ASH1L: variants seen among roughly 807,000 people sequenced by gnomAD.
ASH1L encodes the protein ASH1 like histone lysine methyltransferase.
ASH1L carries 23 observed loss-of-function variants against 269.0 expected under a neutral mutation model. That is an observed-to-expected ratio of 0.09 (90% CI 0.06 to 0.12). The LOEUF (loss-of-function observed/expected upper bound fraction) is 0.12. ASH1L is among the 10% of genes least tolerant of loss of function. ASH1L has a pLI of 1.00. For synonymous variants in ASH1L, 1,187 were observed against 1,253.5 expected (o/e 0.95, Z 1.12); for missense variants, 2,912 against 3,567.8 (o/e 0.82, Z 4.68).
chr1:155,504,550 T>C (rs1040485795), intron 2 of ASH1L, among the ~76,000 whole-genome samples: 6 of 152,146 alleles, frequency 3.9e-5, no homozygotes, highest in Non-Finnish European at 8.8e-5. Context: ...CAGGTACTTA[T>C]CTGACTTTGT....
chr1:155,352,670 G>GA (rs760686205), intron 17 of ASH1L, 36 bp downstream of exon 17: 2 of 1,544,076 alleles, frequency 1.3e-6, no homozygotes, highest in East Asian at 2.3e-5. Context: ...AAAAGAAAAA[G>GA]AAAAAAAGAA....
intron 2 of ASH1L, among the ~76,000 whole-genome samples, chr1:155,486,242 CAGAATAA>C (rs1395594240): frequency 6.6e-6 from 1 of 152,072 alleles, no homozygotes; most frequent in Non-Finnish European, 1.5e-5. Flanking sequence ...TTGATTGACT[CAGAATAA>C]AGGGAACTAT....
At chr1:155,507,386 C>T (rs1667884407) in intron 2 of ASH1L, among the ~76,000 whole-genome samples, 1 of 151,920 alleles carries the variant, frequency 6.6e-6, no homozygotes, top group African/African-American at 2.4e-5. Flanking sequence ...AACAGAAAAC[C>T]ATTTTTGGAC....
chr1:155,465,289 C>CAAAAAAAAAAAAA (rs1171228344), intron 3 of ASH1L, among the ~76,000 whole-genome samples: 21 of 62,552 alleles, frequency 3.4e-4, no homozygotes, highest in East Asian at 1.4e-3. Context: ...TACAAATTAG[C>CAAAAAAAAAAAAA]AAAAAAAAAA....
Position 155,482,367 on chromosome 1 carries a change from T to A in ASH1L, c.503A>T (p.Gln168Leu). Residue 168 changes from glutamine to leucine, a missense_variant, in exon 3 of 28, where the codon CAG (glutamine) becomes CTG (leucine). By Grantham distance (113) the Gln-to-Leu change is moderately radical (BLOSUM62 -2). This residue lies in a region of ASH1L where 277 missense variants were observed against 367.7 expected (regional missense o/e 0.75). Transcript: ENST00000392403. ...CTTAGACAAAGGATTGTTTTCTCCC[T>A]GTGAATGAAGACGGATGACTTCTTC... ...QSEEVIRLHS[Q>L]GENNPLSKKL... 6.2e-7 allele frequency: 1 copy of A among 1,614,174 alleles called. No individual in the cohort carries two copies. The highest frequency in any genetic ancestry group is 1.7e-5 in the Admixed American group (1 of 60,018).
chr1:155,442,351 G>A (rs1253700117), intron 4 of ASH1L, among the ~76,000 whole-genome samples: 3 of 151,776 alleles, frequency 2.0e-5, no homozygotes, highest in Admixed American at 1.3e-4. Context: ...ACTTTGGGAG[G>A]CTGAGGTGGG....
At chr1:155,528,262 A>C (rs1488689072) in intron 1 of ASH1L, among the ~76,000 whole-genome samples, 1 of 152,170 alleles carries the variant, frequency 6.6e-6, no homozygotes, top group African/African-American at 2.4e-5. Context: ...ATTTAGGCCA[A>C]AAATCTCTAC....
At position 155,342,034 on chromosome 1, in the gene ASH1L, G is replaced by A; in HGVS notation, c.8362C>T (p.Leu2788=). Residue 2788 remains leucine, a synonymous_variant, in exon 25 of 28, where the codon CTG becomes TTG. Coordinates refer to ENST00000392403, the MANE Select transcript of ASH1L (RefSeq NM_018489.3). ...CDYRLDKSAH[L]FYKIHRNRYP... Reference sequence around the variant, plus strand: ...CGGTTCCGGTGGATCTTGTAAAACAGGTGTGCTGACTTGTCAAGCCGATAA... The same window carrying A: ...CGGTTCCGGTGGATCTTGTAAAACAAGTGTGCTGACTTGTCAAGCCGATAA... 1.2e-6 allele frequency: 2 copies of A among 1,614,094 alleles called. No homozygotes were observed. The highest frequency in any genetic ancestry group is 1.7e-6 in the Non-Finnish European group (2 of 1,180,034).
intron 1 of ASH1L, among the ~76,000 whole-genome samples, chr1:155,522,278 A>C (rs1668943276): frequency 6.6e-6 from 1 of 152,326 alleles, no homozygotes; most frequent in South Asian, 2.1e-4. Flanking sequence ...TTCAACTCTG[A>C]ATCATTCACT....
At chr1:155,502,114 G>A (rs191071904) in intron 2 of ASH1L, among the ~76,000 whole-genome samples, 7 of 130,096 alleles carry the variant, frequency 5.4e-5, no homozygotes, top group Admixed American at 3.3e-4. Context: ...ACTGTCATCC[G>A]GGTTGGAGTG....
chr1:155,362,688 A>C (rs1295469671), intron 12 of ASH1L, among the ~76,000 whole-genome samples: 1 of 152,104 alleles, frequency 6.6e-6, no homozygotes, highest in Non-Finnish European at 1.5e-5. Flanking sequence ...CAATTCTCAA[A>C]ACAATCCTAT....
chr1:155,509,310 A>C (rs1280727583), intron 2 of ASH1L, among the ~76,000 whole-genome samples: 1 of 152,204 alleles, frequency 6.6e-6, no homozygotes, highest in African/African-American at 2.4e-5. Context: ...GTGAGCTATG[A>C]TCACACCACC....
chr1:155,384,766 C>T (rs777279072), intron 7 of ASH1L, among the ~76,000 whole-genome samples: 3 of 152,086 alleles, frequency 2.0e-5, no homozygotes, highest in Admixed American at 6.6e-5. Flanking sequence ...TTATCCTGTT[C>T]GGAGTCTGCT....
chr1:155,532,169 T>G (rs983840292), intron 1 of ASH1L, among the ~76,000 whole-genome samples: 13 of 152,160 alleles, frequency 8.5e-5, no homozygotes, highest in Non-Finnish European at 1.9e-4. Flanking sequence ...GGGATTTATG[T>G]TTTCAAATCT....
intron 1 of ASH1L, among the ~76,000 whole-genome samples, chr1:155,523,333 A>G (rs1669014911): frequency 6.6e-6 from 1 of 152,020 alleles, no homozygotes; most frequent in South Asian, 2.1e-4. Flanking sequence ...TGTCTCTAAA[A>G]AAGTACAAAA....
chr1:155,550,956 G>A (rs1319045989), intron 1 of ASH1L, among the ~76,000 whole-genome samples: 4 of 151,858 alleles, frequency 2.6e-5, no homozygotes, highest in Admixed American at 2.6e-4. Context: ...CAAGTAGCTG[G>A]GACTACAGGT....
intron 2 of ASH1L, among the ~76,000 whole-genome samples, chr1:155,513,571 CAAAAA>C (rs767517719): frequency 3.6e-5 from 3 of 82,988 alleles, no homozygotes; most frequent in Admixed American, 1.5e-4. Flanking sequence ...GATCCTGTAT[CAAAAA>C]AAAAAAAAAA....
At chr1:155,392,617 G>A (rs57665266) in intron 7 of ASH1L, among the ~76,000 whole-genome samples, 1,557 of 152,060 alleles carry the variant, frequency 0.01, 29 homozygotes, top group African/African-American at 0.036. Context: ...GCCTCTTGAG[G>A]AGCTGGGACT....
At chr1:155,510,048 C>A (rs1668066422) in intron 2 of ASH1L, among the ~76,000 whole-genome samples, 1 of 152,062 alleles carries the variant, frequency 6.6e-6, no homozygotes, top group South Asian at 2.1e-4. Context: ...TAAATTACAT[C>A]AGGTAAAAAG....
Sources: allele counts gnomAD v4.1 joint callset (sites outside exome capture counted in the v4.1 genomes callset), GRCh38; gene constraint gnomAD v4.1.1; regional missense constraint gnomAD v4.1.1; transcripts MANE v1.5; gene names NCBI Gene and HGNC (gene_info 2026-07-23, HGNC 2026-07-21).